The following MAPT variants were observed in gnomAD, a reference collection of about 807,000 sequenced individuals.
The protein encoded by MAPT is microtubule-associated protein tau.
A neutral mutation model predicts 67.9 loss-of-function variants in MAPT; 34 were observed. The observed-to-expected ratio is 0.50, with a 90% CI of 0.38 to 0.67. The LOEUF is 0.67. Among genes scored for constraint, MAPT ranks in the 30% least tolerant of loss-of-function variants. MAPT has a pLI of 0.00. For synonymous variants in MAPT, 456 were observed against 464.5 expected, an observed-to-expected ratio of 0.98 and a Z score of 0.23; for missense variants, 881 against 1,115.2, an observed-to-expected ratio of 0.79 and a Z score of 2.99.
chr17:46,013,717 A>G (rs2075977060), intron 10 of MAPT, among the ~76,000 whole-genome samples: 1 of 152,176 alleles, frequency 6.6e-6, no homozygotes, highest in Non-Finnish European at 1.5e-5. Flanking sequence ...TTCCTGGAAT[A>G]AAGCCCACGC....
At chr17:45,963,807 G>A (rs1313093678) in intron 2 of MAPT, among the ~76,000 whole-genome samples, 4 of 152,180 alleles carry the variant, frequency 2.6e-5, no homozygotes, top group South Asian at 2.1e-4. Flanking sequence ...CGCACAGGGA[G>A]TGGCCATCCC....
chr17:45,926,972 T>C (rs1005269581), intron 1 of MAPT, among the ~76,000 whole-genome samples: 5 of 138,212 alleles, frequency 3.6e-5, no homozygotes, highest in Non-Finnish European at 8.4e-5. Context: ...TATATACATA[T>C]ATGTGTATAT....
At chr17:45,950,634 T>G (rs1230232492) in intron 1 of MAPT, among the ~76,000 whole-genome samples, 1 of 152,126 alleles carries the variant, frequency 6.6e-6, no homozygotes, top group Non-Finnish European at 1.5e-5. Context: ...ATTGTCTAGT[T>G]CCCATACTTT....
At chr17:46,013,904 C>T (rs938987482) in intron 10 of MAPT, among the ~76,000 whole-genome samples, 2 of 152,150 alleles carry the variant, frequency 1.3e-5, no homozygotes, top group African/African-American at 2.4e-5. Flanking sequence ...TACACTTAAG[C>T]GTTTGCTGAG....
At position 46,024,012 on chromosome 17, in the gene MAPT, G is replaced by A; in HGVS notation, c.2343G>A (p.Gly781=). The change falls in exon 13 of 13, where the codon GGG becomes GGA. Residue 781 remains glycine (G), a synonymous_variant. Coordinates refer to ENST00000262410, the MANE Select transcript of MAPT (RefSeq NM_001377265.1). ...RENAKAKTDH[G]AEIVYKSPVV... is the part of the protein sequence containing the mutation. ...ACGCCAAAGCCAAGACAGACCACGGGGCGGAGATCGTGTACAAGTCGCCAG... is the reference window on the plus strand; with the variant it reads ...ACGCCAAAGCCAAGACAGACCACGGAGCGGAGATCGTGTACAAGTCGCCAG... 6.2e-7 allele frequency: 1 copy of A among 1,614,088 alleles called. No homozygotes were observed. Among genetic ancestry groups the A allele is most frequent in the Non-Finnish European group, 8.5e-7 (1 of 1,180,018 alleles).
rs748932607 is a variant in MAPT at position 45,971,813 on chromosome 17, G to A, written c.134-46G>A. ...GTTCCTCCTGAGAACAAAAGGGGGC[G>A]CTGGGGAGAGGCCACCGTTCTGAGG... On this transcript the variant is annotated intron_variant, in intron 2 of 12. Transcript: ENST00000262410. This position sits in a 1 kb window ranked among gnomAD's most constrained non-coding sequence, Gnocchi z 4.3. The A allele has an allele frequency of 3.0e-5, 40 of 1,352,762 alleles. No homozygotes were observed. Among genetic ancestry groups the A allele is most frequent in the South Asian group, 8.2e-5 (7 of 85,830 alleles). 83.8% of individuals were successfully genotyped at this position (1,352,762 alleles called of 1,614,324 possible). A position where few individuals can be genotyped will look rare whatever the true frequency, so the allele number is the denominator to read the frequency against.
intron 3 of MAPT, among the ~76,000 whole-genome samples, chr17:45,972,583 C>T (rs1235149322): frequency 6.6e-6 from 1 of 152,222 alleles, no homozygotes; most frequent in Non-Finnish European, 1.5e-5. Flanking sequence ...GTGGCATTTA[C>T]ATGAAGAGGT....
At chr17:46,020,450 C>T (rs2076457052) in intron 12 of MAPT, among the ~76,000 whole-genome samples, 1 of 152,170 alleles carries the variant, frequency 6.6e-6, no homozygotes, top group African/African-American at 2.4e-5. Context: ...CTGGGAGTGG[C>T]TCACTTTCCA....
At chr17:45,940,035 A>C (rs2067714168) in intron 1 of MAPT, among the ~76,000 whole-genome samples, 1 of 152,176 alleles carries the variant, frequency 6.6e-6, no homozygotes, top group Admixed American at 6.5e-5. Context: ...AATGCCCTAG[A>C]ATTGTACTGG....
chr17:46,007,732 A>G (rs984782210), intron 9 of MAPT, among the ~76,000 whole-genome samples: 1 of 152,186 alleles, frequency 6.6e-6, no homozygotes, highest in Non-Finnish European at 1.5e-5. Flanking sequence ...CAGGGCTCAC[A>G]GGGAAAACTC....
chr17:46,002,267 G>T (rs1017670384), intron 9 of MAPT, among the ~76,000 whole-genome samples: 5 of 152,154 alleles, frequency 3.3e-5, no homozygotes, highest in Non-Finnish European at 7.3e-5. Flanking sequence ...CAGGCAGGCT[G>T]TCGGCATCTG....
At chr17:45,946,329 C>T (rs1012005706) in intron 1 of MAPT, among the ~76,000 whole-genome samples, 78 of 152,062 alleles carry the variant, frequency 5.1e-4, no homozygotes, top group African/African-American at 1.7e-3. Flanking sequence ...GGGCCAGGCA[C>T]GGTGGCTCAC....
intron 1 of MAPT, among the ~76,000 whole-genome samples, chr17:45,904,814 C>G (rs917873316): frequency 6.6e-6 from 1 of 152,032 alleles, no homozygotes; most frequent in African/African-American, 2.4e-5. Flanking sequence ...CAGCTTTCTA[C>G]TTTGACAATG....
chr17:46,003,118 G>GTGTGT (rs2075145004), intron 9 of MAPT, among the ~76,000 whole-genome samples: 1 of 151,378 alleles, frequency 6.6e-6, no homozygotes, highest in Non-Finnish European at 1.5e-5. Flanking sequence ...GTGTGTGTGT[G>GTGTGT]TGTGGGCGCA....
intron 1 of MAPT, among the ~76,000 whole-genome samples, chr17:45,936,422 C>T (rs912609179): frequency 6.6e-6 from 1 of 152,230 alleles, no homozygotes; most frequent in Non-Finnish European, 1.5e-5. Context: ...CATGCACATG[C>T]GTGGGCATGG....
Position 46,024,232 on chromosome 17 carries a change from AAAG to A in MAPT, c.*64_*66del. 1.3e-6 allele frequency: 2 copies of A among 1,490,008 alleles called. No individual in the cohort carries two copies. The highest frequency in any genetic ancestry group is 9.3e-7 in the Non-Finnish European group (1 of 1,072,338). 92.3% of individuals were successfully genotyped at this position (1,490,008 alleles called of 1,614,324 possible). On this transcript the variant is annotated 3_prime_UTR_variant, in exon 13 of 13. Transcript: ENST00000262410. ...AGAGAATGAGAGAGTGTGGAAAAAA[AAAG>A]AATAATGACCCGGCCCCCGCCCTCT...
chr17:45,898,766 C>T (rs1333988905), intron 1 of MAPT: 1 of 152,142 alleles, frequency 6.6e-6, no homozygotes, highest in Non-Finnish European at 1.5e-5. Context: ...CAAATAAAAA[C>T]AGCCGTAGGG....
chr17:45,902,111 A>G (rs1193347862), intron 1 of MAPT, among the ~76,000 whole-genome samples: 6 of 151,970 alleles, frequency 3.9e-5, no homozygotes, highest in Non-Finnish European at 5.9e-5. Flanking sequence ...GTCTCGCTCT[A>G]TCGCCCAGGC....
intron 1 of MAPT, chr17:45,898,255 G>A (rs896797875): frequency 2.8e-4 from 42 of 152,382 alleles, no homozygotes; most frequent in African/African-American, 9.4e-4. Context: ...CTGGGTTTTG[G>A]ATGAGTGACA....
Sources: allele counts gnomAD v4.1 joint callset (sites outside exome capture counted in the v4.1 genomes callset), GRCh38; gene constraint gnomAD v4.1.1; non-coding constraint Gnocchi (gnomAD v3.1); transcripts MANE v1.5; gene names NCBI Gene and HGNC (gene_info 2026-07-23, HGNC 2026-07-21).